The following TENM3 variants were observed in gnomAD, a reference collection of about 807,000 sequenced individuals.
The protein encoded by TENM3 is teneurin-3.
In TENM3, 63 loss-of-function variants were observed where a neutral mutation model predicts 255.1. The observed-to-expected ratio is 0.25, with a 90% CI of 0.20 to 0.30. The LOEUF is 0.30. Among genes scored for constraint, TENM3 ranks in the 10% least tolerant of loss-of-function variants. The probability of loss-of-function intolerance (pLI) is 1.00; values close to 1 mark genes in which losing one functional copy is unlikely to be tolerated. For missense variants in TENM3, 2,929 were observed against 3,461.1 expected (o/e 0.85, Z 3.86); for synonymous variants, 1,306 against 1,322.3 (o/e 0.99, Z 0.27).
Position 182,731,694 on chromosome 4 carries a change from GGTGTGTGTGTGTGTGT to G in TENM3, c.2967+584_2967+599del, listed in dbSNP as rs70956536. ...AGAATGAATATATAGTGGGTGTTGGGGTGTGTGTGTGTGTGTGTGTGTGTGTGTGTGTGTGTGTGTG... is the reference window on the plus strand; with the variant it reads ...AGAATGAATATATAGTGGGTGTTGGGGTGTGTGTGTGTGTGTGTGTGTGTG... On this transcript the variant is annotated intron_variant, in intron 16 of 27. Transcript: ENST00000511685. 5.2e-3 allele frequency among the ~76,000 whole-genome samples: 649 copies of G among 124,754 alleles called. 7 individuals are homozygous for G. The highest frequency in any genetic ancestry group is 0.019 in the African/African-American group (605 of 31,468). The allele number at this position is 124,754 out of a possible 152,430, so 81.8% of individuals were successfully genotyped here.
chr4:182,206,593 T>C (rs1389678151), intron 1 of TENM3, among the ~76,000 whole-genome samples: 2 of 152,232 alleles, frequency 1.3e-5, no homozygotes, highest in Non-Finnish European at 2.9e-5. Flanking sequence ...GTCATAGACA[T>C]GGAGTCATTC....
At chr4:181,808,747 G>T in the TENM3 span, among the ~76,000 whole-genome samples, 1 of 152,186 alleles carries the variant, frequency 6.6e-6, no homozygotes, top group Non-Finnish European at 1.5e-5. Flanking sequence ...ACGTGGGTTG[G>T]CTCTAAAACA....
chr4:182,271,591 T>C (rs56185451), intron 1 of TENM3, among the ~76,000 whole-genome samples: 29,140 of 152,038 alleles, frequency 0.19, 3,061 homozygotes, highest in Middle Eastern at 0.26. Context: ...AAAGAAACAG[T>C]GGGGATTTAG....
intron 3 of TENM3, among the ~76,000 whole-genome samples, chr4:182,398,880 G>T (rs934865896): frequency 6.6e-6 from 1 of 152,128 alleles, no homozygotes; most frequent in Non-Finnish European, 1.5e-5. Flanking sequence ...CTGTGATTTG[G>T]GAGTTAAAAA....
At chr4:181,859,570 G>C in the TENM3 span, among the ~76,000 whole-genome samples, 1 of 152,112 alleles carries the variant, frequency 6.6e-6, no homozygotes, top group Non-Finnish European at 1.5e-5. Context: ...ACTCAGAGGT[G>C]CAATATGTTT....
At chr4:182,668,227 C>CT (rs1052623385) in intron 6 of TENM3, among the ~76,000 whole-genome samples, 4 of 151,872 alleles carry the variant, frequency 2.6e-5, no homozygotes, top group Admixed American at 6.6e-5. Flanking sequence ...TTAATTTTGC[C>CT]TTTTTTTGGC....
At chr4:181,644,432 T>A in the TENM3 span, among the ~76,000 whole-genome samples, 2 of 146,302 alleles carry the variant, frequency 1.4e-5, no homozygotes, top group African/African-American at 2.5e-5. Flanking sequence ...TCTCTTATCT[T>A]AAAAAAAAAA....
At chr4:181,865,530 G>A in the TENM3 span, among the ~76,000 whole-genome samples, 1 of 152,044 alleles carries the variant, frequency 6.6e-6, no homozygotes, top group African/African-American at 2.4e-5. Flanking sequence ...TCATGGACAC[G>A]CTGACAGTAC....
In TENM3 at chr4:182,754,255, T is replaced by C. The variant is rs934578211; in HGVS notation, c.4018-130T>C. On this transcript the variant is annotated intron_variant, in intron 21 of 27. Coordinates refer to ENST00000511685, the MANE Select transcript of TENM3 (RefSeq NM_001080477.4). The surrounding 1 kb of genome is among the most constrained non-coding windows in gnomAD (Gnocchi z 5.1). The stretch of plus-strand genomic sequence containing the variant: ...TTTTTGGTTTATTTTACTGAGGCTA[T>C]TGAAAAAACTATTATCAGACAGTTT... 2.2e-6 allele frequency: 2 copies of C among 922,022 alleles called. No individual in the cohort carries two copies. Among genetic ancestry groups the C allele is most frequent in the African/African-American group, 1.7e-5 (1 of 59,866 alleles). The allele number at this position is 922,022 out of a possible 1,614,324, so 57.1% of individuals were successfully genotyped here.
At position 182,391,195 on chromosome 4, in the gene TENM3, T is replaced by C. The variant is rs551441092; in HGVS notation, c.511+44266T>C. Among the ~76,000 whole-genome samples, 6 of 152,152 alleles carry C rather than the reference T, an allele frequency of 3.9e-5. No individual in the cohort carries two copies. In the South Asian group the frequency reaches 1.2e-3, roughly 32 times the overall value. On this transcript the variant is annotated intron_variant, in intron 3 of 27. Transcript: ENST00000511685. ...AGTTTACAGAACATTTTCATACATATTATTTGATCCGCCTGTGTAGATTAT... is the reference window on the plus strand; with the variant it reads ...AGTTTACAGAACATTTTCATACATACTATTTGATCCGCCTGTGTAGATTAT...
At position 182,289,372 on chromosome 4, in the gene TENM3, C is replaced by T. The variant is rs367982812; in HGVS notation, c.-75-34574C>T. 7.2e-5 allele frequency among the ~76,000 whole-genome samples: 11 copies of T among 152,374 alleles called. No individual in the cohort carries two copies. The East Asian group carries it at 1.2e-3, about 16-fold the overall frequency. On this transcript the variant is annotated intron_variant, in intron 1 of 27. Coordinates refer to ENST00000511685, the MANE Select transcript of TENM3 (RefSeq NM_001080477.4). The stretch of plus-strand genomic sequence containing the variant: ...TGGCCCCGCTCTCTGGATATGTCAT[C>T]GCCCCCTCTGCTGGGTGTGCGAGGG...
At chr4:182,207,104 G>A (rs1754635855) in intron 1 of TENM3, among the ~76,000 whole-genome samples, 1 of 152,184 alleles carries the variant, frequency 6.6e-6, no homozygotes, top group Non-Finnish European at 1.5e-5. Context: ...AAAGCTACAT[G>A]TATGCTTGTT....
At chr4:182,401,056 A>AT (rs1466669706) in intron 3 of TENM3, among the ~76,000 whole-genome samples, 3 of 152,178 alleles carry the variant, frequency 2.0e-5, no homozygotes, top group Non-Finnish European at 2.9e-5. Flanking sequence ...TAGCCAGAAC[A>AT]TTCCTGCTTC....
chr4:181,886,947 G>A, the TENM3 span, among the ~76,000 whole-genome samples: 1 of 152,038 alleles, frequency 6.6e-6, no homozygotes, highest in Non-Finnish European at 1.5e-5. Flanking sequence ...GTTTTCCATT[G>A]AGCCAACGTA....
rs937148219 is a variant in TENM3, at chr4:182,517,585, G to A, written c.512-83339G>A. On this transcript the variant is annotated intron_variant, in intron 3 of 27. Coordinates refer to ENST00000511685, the MANE Select transcript of TENM3 (RefSeq NM_001080477.4). ...TTTTTAGTAGAGACGGGGTTTCACC[G>A]TGTTAGCCAGGATGGTCTCGATCTC... Among the ~76,000 whole-genome samples, 30 of 132,904 alleles carry A rather than the reference G, an allele frequency of 2.3e-4. 1 individual carries two copies. The highest frequency in any genetic ancestry group is 1.7e-3 in the Admixed American group (22 of 13,164). The allele number at this position is 132,904 out of a possible 152,430, so 87.2% of individuals were successfully genotyped here. A position where few individuals can be genotyped will look rare whatever the true frequency, so the allele number is the denominator to read the frequency against.
At chr4:182,184,134 C>T (rs547964075) in intron 1 of TENM3, among the ~76,000 whole-genome samples, 1 of 152,188 alleles carries the variant, frequency 6.6e-6, no homozygotes, top group East Asian at 1.9e-4. Flanking sequence ...AGCAAGAGTA[C>T]TATAGGTTAG....
At chr4:181,481,154 CT>C in the TENM3 span, among the ~76,000 whole-genome samples, 298 of 150,632 alleles carry the variant, frequency 2.0e-3, 1 homozygote, top group African/African-American at 6.6e-3. Context: ...ACTCTCTTTT[CT>C]TTTTTTTTGA....
the TENM3 span, among the ~76,000 whole-genome samples, chr4:181,928,119 TCTC>T: frequency 6.6e-6 from 1 of 151,984 alleles, no homozygotes; most frequent in East Asian, 1.9e-4. Flanking sequence ...GAATGCCTCT[TCTC>T]CTCCAAAGGA....
chr4:181,605,497 A>G, the TENM3 span, among the ~76,000 whole-genome samples: 33 of 9,760 alleles, frequency 3.4e-3, no homozygotes, highest in African/African-American at 0.01. Flanking sequence ...AAAGAAAGAA[A>G]GAAAGAAAGA....
Sources: allele counts gnomAD v4.1 joint callset (sites outside exome capture counted in the v4.1 genomes callset), GRCh38; gene constraint gnomAD v4.1.1; non-coding constraint Gnocchi (gnomAD v3.1); transcripts MANE v1.5; gene names NCBI Gene and HGNC (gene_info 2026-07-23, HGNC 2026-07-21).